Variants in ERI1 observed in about 807,000 individuals in gnomAD.
ERI1 encodes the protein exoribonuclease 1, also known as 3'-5' exoribonuclease 1.
ERI1 carries 39 observed loss-of-function variants against 39.7 expected under a neutral mutation model. The ratio of observed to expected loss-of-function variants is 0.98; its 90% CI spans 0.76 to 1.28. The LOEUF is 1.28. Among genes scored for constraint, ERI1 ranks in the 50% most tolerant of loss-of-function variants. The pLI, the probability that ERI1 is intolerant of heterozygous loss-of-function variation, is 0.00. For missense variants in ERI1, 581 were observed against 416.9 expected, an observed-to-expected ratio of 1.39 and a Z score of -3.43; for synonymous variants, 204 against 149.6, an observed-to-expected ratio of 1.36 and a Z score of -2.65.
chr8:9,019,511 G>A (rs1817661245), intron 5 of ERI1, among the ~76,000 whole-genome samples: 1 of 152,086 alleles, frequency 6.6e-6, no homozygotes, highest in East Asian at 1.9e-4. Context: ...CATTTTGTGG[G>A]ACAGATCACT....
chr8:9,004,222 A>G, intron 1 of ERI1: 2 of 1,262,320 alleles, frequency 1.6e-6, no homozygotes, highest in Middle Eastern at 2.2e-4. Context: ...GTACTTGCAC[A>G]TCCCTTCTCT....
chr8:9,020,063 A>G (rs1288423129), intron 5 of ERI1, among the ~76,000 whole-genome samples: 2 of 152,230 alleles, frequency 1.3e-5, no homozygotes, highest in African/African-American at 4.8e-5. Context: ...TAAGCTTAGC[A>G]TAATACTCAG....
intron 3 of ERI1, among the ~76,000 whole-genome samples, chr8:9,090,106 G>T (rs910021114): frequency 6.6e-6 from 1 of 152,106 alleles, no homozygotes; most frequent in Non-Finnish European, 1.5e-5. Context: ...ACACAGACAG[G>T]CACCAAGAGC....
intron 1 of ERI1, among the ~76,000 whole-genome samples, chr8:9,004,683 AC>A (rs1271269382): frequency 1.3e-4 from 18 of 135,330 alleles, no homozygotes; most frequent in African/African-American, 3.9e-4. Context: ...TAGTAATGAT[AC>A]TTTTTTTTTT....
intron 6 of ERI1, among the ~76,000 whole-genome samples, chr8:9,027,007 A>G (rs967011471): frequency 2.0e-5 from 3 of 152,140 alleles, no homozygotes; most frequent in Non-Finnish European, 4.4e-5. Flanking sequence ...AGCATGTGCT[A>G]ATTCTATGTT....
chr8:9,088,786 A>G (rs1056382483), intron 3 of ERI1, among the ~76,000 whole-genome samples: 2 of 152,208 alleles, frequency 1.3e-5, no homozygotes, highest in East Asian at 1.9e-4. Context: ...CATTGCTCAC[A>G]TGCACGTCAT....
chr8:9,093,399 T>C (rs1451871992), intron 3 of ERI1, among the ~76,000 whole-genome samples: 1 of 151,896 alleles, frequency 6.6e-6, no homozygotes, highest in Non-Finnish European at 1.5e-5. Context: ...GGGTTGAAAC[T>C]TTAATATGTG....
intron 2 of ERI1, chr8:9,009,161 C>G (rs1195464039): frequency 2.2e-6 from 1 of 446,148 alleles, no homozygotes; most frequent in Non-Finnish European, 4.5e-6. Flanking sequence ...GTTTATTCAA[C>G]AAGCCTGTAT....
In ERI1 at chr8:9,028,973, G is replaced by GTTTTTT. The variant is rs34569795; in HGVS notation, c.808-800_808-795dup. Among the ~76,000 whole-genome samples the GTTTTTT allele has an allele frequency of 5.4e-3, 611 of 113,024 alleles. 8 individuals are homozygous for GTTTTTT. The highest frequency in any genetic ancestry group is 0.02 in the African/African-American group (593 of 30,132). The allele number at this position is 113,024 out of a possible 152,430, so 74.1% of individuals were successfully genotyped here. A position where few individuals can be genotyped will look rare whatever the true frequency, so the allele number is the denominator to read the frequency against. On this transcript the variant is annotated intron_variant, in intron 6 of 6. Transcript: ENST00000250263. ...ATATTGGAATTTGGGGAGTGTGAGA[G>GTTTTTT]TTTTTTTTTTTTTTTTTTTTTTTTA...
At chr8:9,013,324 TAAA>T (rs34377572) in intron 3 of ERI1, among the ~76,000 whole-genome samples, 22 of 137,438 alleles carry the variant, frequency 1.6e-4, no homozygotes, top group Admixed American at 2.9e-4. Context: ...CATTCTCACT[TAAA>T]AAAAAAAAAA....
rs141670632 is a variant in ERI1 at position 9,081,505 on chromosome 8, C to G, written n.300-34843C>G. 4.1e-3 allele frequency among the ~76,000 whole-genome samples: 624 copies of G among 152,236 alleles called. 3 individuals carry two copies. Among genetic ancestry groups the G allele is most frequent in the Non-Finnish European group, 6.2e-3 (420 of 68,010 alleles). ...GCTGGAATCCCTCAGGCATTGCCAG[C>G]TCAGCCATTTTCTCTCCGGCCATCC... On this transcript the variant is annotated intron_variant and non_coding_transcript_variant, in intron 3 of 3. Transcript: ENST00000518663.
chr8:9,028,972 A>AG (rs1304316434), intron 6 of ERI1, among the ~76,000 whole-genome samples: 2 of 122,872 alleles, frequency 1.6e-5, no homozygotes, highest in African/African-American at 7.1e-5. Flanking sequence ...GGAGTGTGAG[A>AG]GTTTTTTTTT....
chr8:9,072,266 G>A (rs1419377779), intron 3 of ERI1, among the ~76,000 whole-genome samples: 2 of 152,030 alleles, frequency 1.3e-5, no homozygotes, highest in African/African-American at 4.8e-5. Flanking sequence ...ATACCACATT[G>A]ACGGTCCTTT....
intron 3 of ERI1, among the ~76,000 whole-genome samples, chr8:9,073,631 AT>A (rs1324840217): frequency 6.6e-6 from 1 of 152,208 alleles, no homozygotes; most frequent in Admixed American, 6.5e-5. Flanking sequence ...GAGAAAAATA[AT>A]TTTAAAATGT....
At chr8:9,068,969 C>T (rs576852047) in intron 3 of ERI1, among the ~76,000 whole-genome samples, 1 of 152,202 alleles carries the variant, frequency 6.6e-6, no homozygotes, top group Non-Finnish European at 1.5e-5. Context: ...AGGTGTGCAC[C>T]ACCATGCTTG....
rs1253634113 is a variant in ERI1 at position 9,030,941 on chromosome 8, C to T, written c.*907C>T. The T allele has an allele frequency of 6.6e-6, 1 of 152,090 alleles. No individual in the cohort carries two copies. The highest frequency in any genetic ancestry group is 2.4e-5 in the African/African-American group (1 of 41,402). 9.4% of individuals were successfully genotyped at this position (152,090 alleles called of 1,614,324 possible). A position where few individuals can be genotyped will look rare whatever the true frequency, so the allele number is the denominator to read the frequency against. ...TTTGTTATTAAAAAACTTCATTGGC[C>T]ACTAGTGAAGTTAGTCAATAAAAGA... On this transcript the variant is annotated 3_prime_UTR_variant, in exon 7 of 7. Transcript: ENST00000250263.
chr8:9,026,444 ACTTATCTATATACCT>A (rs1213782813), intron 6 of ERI1, among the ~76,000 whole-genome samples: 1 of 152,024 alleles, frequency 6.6e-6, no homozygotes, highest in Non-Finnish European at 1.5e-5. Flanking sequence ...TATCAGTTTG[ACTTATCTATATACCT>A]CTTATAAGTG....
rs1797655096 is a variant in ERI1 at position 9,032,441 on chromosome 8, CTTTA to C, written c.*2411_*2414del. Reference sequence around the variant, plus strand: ...TATATAATAGAGCATTACATTTTATCTTTATTTGTGTTCTGTTGGATCAAGTATT... The same window carrying C: ...TATATAATAGAGCATTACATTTTATCTTTGTGTTCTGTTGGATCAAGTATT... On this transcript the variant is annotated 3_prime_UTR_variant, in exon 7 of 7. Transcript: ENST00000250263. The C allele has an allele frequency of 6.6e-6, 1 of 151,974 alleles. No homozygotes were observed. Among genetic ancestry groups the C allele is most frequent in the Admixed American group, 6.6e-5 (1 of 15,264 alleles). The allele number at this position is 151,974 out of a possible 1,614,324, so 9.4% of individuals were successfully genotyped here. A position where few individuals can be genotyped will look rare whatever the true frequency, so the allele number is the denominator to read the frequency against.
intron 6 of ERI1, among the ~76,000 whole-genome samples, chr8:9,022,649 C>T (rs551893346): frequency 6.6e-6 from 1 of 152,202 alleles, no homozygotes; most frequent in Non-Finnish European, 1.5e-5. Context: ...ATCTGCCCGC[C>T]TCGGCCTCCC....
Sources: allele counts gnomAD v4.1 joint callset (sites outside exome capture counted in the v4.1 genomes callset), GRCh38; gene constraint gnomAD v4.1.1; transcripts MANE v1.5; gene names NCBI Gene and HGNC (gene_info 2026-07-23, HGNC 2026-07-21).